The following SIPA1L2 variants were observed in gnomAD, a reference collection of about 807,000 sequenced individuals.
The protein encoded by SIPA1L2 is signal induced proliferation associated 1 like 2.
A neutral mutation model predicts 163.9 loss-of-function variants in SIPA1L2; 56 were observed. The observed-to-expected ratio is 0.34, with a 90% CI of 0.28 to 0.43. SIPA1L2 has a LOEUF of 0.43. Among genes scored for constraint, SIPA1L2 ranks in the 20% least tolerant of loss-of-function variants. The pLI is 1.00. For missense variants in SIPA1L2, 1,974 were observed against 2,193.5 expected, an observed-to-expected ratio of 0.90 and a Z score of 2.00; for synonymous variants, 877 against 865.7, an observed-to-expected ratio of 1.01 and a Z score of -0.23.
rs1194333091 is a variant in SIPA1L2 at position 232,586,767 on chromosome 1, ACTGCTGGGAAAACAGGAG to A, written c.-318-12563_-318-12546del. Reference sequence around the variant, plus strand: ...CATCACTACCTAGTTACAATGCGAAACTGCTGGGAAAACAGGAGTGAAACAGGAGTCTTTGTCACAAAC... The same window carrying A: ...CATCACTACCTAGTTACAATGCGAAATGAAACAGGAGTCTTTGTCACAAAC... On this transcript the variant is annotated intron_variant, in intron 1 of 22. Transcript: ENST00000674635. Among the ~76,000 whole-genome samples the A allele has an allele frequency of 3.3e-5, 5 of 152,338 alleles. No homozygotes were observed. In the East Asian group the frequency reaches 9.6e-4, roughly 29 times the overall value.
intron 1 of SIPA1L2, among the ~76,000 whole-genome samples, 62 bp from the exon 2 acceptor site, chr1:232,574,284 C>T (rs1659959725): frequency 6.6e-6 from 1 of 152,212 alleles, no homozygotes; most frequent in Non-Finnish European, 1.5e-5. Flanking sequence ...GCAGTTTCAA[C>T]ATGTGGTCTG....
At chr1:232,579,857 C>G (rs1660281756) in intron 1 of SIPA1L2, among the ~76,000 whole-genome samples, 2 of 152,140 alleles carry the variant, frequency 1.3e-5, no homozygotes. Context: ...ATGGGTGAAG[C>G]TTTTTCTGAG....
chr1:232,428,406 C>G lies in SIPA1L2; in HGVS notation c.4410+5G>C. 7.4e-7 allele frequency: 1 copy of G among 1,350,622 alleles called. No homozygotes were observed. The highest frequency in any genetic ancestry group is 1.6e-5 in the African/African-American group (1 of 63,356). The allele number at this position is 1,350,622 out of a possible 1,614,324, so 83.7% of individuals were successfully genotyped here. On this transcript the variant is annotated splice_donor_5th_base_variant and intron_variant, in intron 17 of 22. Transcript: ENST00000674635. ...GGTAACTTCAAAGCTCCCTAAGTCA[C>G]TAACCTTTCTTCGCCCCTCCTCCAC...
At position 232,460,880 on chromosome 1, in the gene SIPA1L2, G is replaced by A. The variant is rs752220101; in HGVS notation, c.3095+7C>T. On this transcript the variant is annotated splice_region_variant and intron_variant, in intron 10 of 22. Transcript: ENST00000674635. ...AGTGAGCATTACTTGGGCCTCCCAC[G>A]CCTTACCTTCGGGGCGAGCCGTCAT... 11 of 1,610,518 alleles carry A rather than the reference G, an allele frequency of 6.8e-6. No homozygotes were observed. In the Admixed American group the frequency reaches 1.2e-4, roughly 17 times the overall value.
At chr1:232,439,708 T>A (rs978453043) in intron 14 of SIPA1L2, among the ~76,000 whole-genome samples, 2 of 152,224 alleles carry the variant, frequency 1.3e-5, no homozygotes, top group African/African-American at 4.8e-5. Flanking sequence ...TTTATCTAAG[T>A]TAAATGGGTA....
chr1:232,492,046 G>A (rs1231962097), intron 4 of SIPA1L2, among the ~76,000 whole-genome samples: 1 of 152,136 alleles, frequency 6.6e-6, no homozygotes, highest in African/African-American at 2.4e-5. Context: ...TGTGGCTAGT[G>A]ACTACTGAAC....
At chr1:232,541,247 T>TTAACATAACATAACA (rs200351522) in intron 2 of SIPA1L2, among the ~76,000 whole-genome samples, 6,416 of 144,600 alleles carry the variant, frequency 0.044, 183 homozygotes, top group South Asian at 0.053. Context: ...TAACATAACA[T>TTAACATAACATAACA]TAACATAACA....
chr1:232,542,275 G>T (rs1657731273), intron 2 of SIPA1L2, among the ~76,000 whole-genome samples: 1 of 152,198 alleles, frequency 6.6e-6, no homozygotes, highest in Admixed American at 6.5e-5. Flanking sequence ...TCAACATAGA[G>T]ATACTGAGGT....
At chr1:232,575,513 C>T (rs150058946) in intron 1 of SIPA1L2, among the ~76,000 whole-genome samples, 8 of 152,100 alleles carry the variant, frequency 5.3e-5, no homozygotes, top group Non-Finnish European at 1.2e-4. Context: ...GATTTTGTGC[C>T]GTGGTTAGGA....
intron 22 of SIPA1L2, among the ~76,000 whole-genome samples, chr1:232,399,917 C>T (rs1023593379): frequency 6.6e-6 from 1 of 152,130 alleles, no homozygotes; most frequent in Admixed American, 6.6e-5. Context: ...TTGTAATAAT[C>T]GGTATTTCTG....
At chr1:232,617,891 G>A (rs1367325656) in intron 1 of SIPA1L2, among the ~76,000 whole-genome samples, 9 of 151,948 alleles carry the variant, frequency 5.9e-5, no homozygotes, top group South Asian at 4.1e-4. Context: ...TATACATGCC[G>A]AAGTGTTTAG....
chr1:232,523,138 T>C (rs954352372), intron 2 of SIPA1L2, among the ~76,000 whole-genome samples: 1 of 152,242 alleles, frequency 6.6e-6, no homozygotes, highest in African/African-American at 2.4e-5. Flanking sequence ...TTAAACTTCC[T>C]GTATGTCAAT....
At chr1:232,469,878 C>T (rs1032137751) in intron 8 of SIPA1L2, among the ~76,000 whole-genome samples, 9 of 149,046 alleles carry the variant, frequency 6.0e-5, no homozygotes, top group Non-Finnish European at 8.9e-5. Context: ...AACCGGAAAA[C>T]CTAAAAGAAA....
intron 3 of SIPA1L2, among the ~76,000 whole-genome samples, chr1:232,510,396 A>C (rs1666928392): frequency 6.6e-6 from 1 of 152,152 alleles, no homozygotes; most frequent in Non-Finnish European, 1.5e-5. Flanking sequence ...TGACTCGTTT[A>C]TAAATCCACT....
rs56213602 is a variant in SIPA1L2 at position 232,530,350 on chromosome 1, G to A, written c.-269-14742C>T. Among the ~76,000 whole-genome samples the A allele has an allele frequency of 6.3e-3, 956 of 152,160 alleles. 11 individuals are homozygous for A. The highest frequency in any genetic ancestry group is 0.022 in the African/African-American group (910 of 41,516). On this transcript the variant is annotated intron_variant, in intron 2 of 22. Transcript: ENST00000674635. ...AGGATGGTCTCAATCTCCTGACCTC[G>A]TGATCCACCCGCCTCGGCCTCCCAA...
At chr1:232,480,189 GTGTT>G (rs72162008) in intron 6 of SIPA1L2, among the ~76,000 whole-genome samples, 34,660 of 144,940 alleles carry the variant, frequency 0.24, 4,179 homozygotes, top group Admixed American at 0.34. Context: ...GTGTGTGTGT[GTGTT>G]TTTACAGTTA....
intron 1 of SIPA1L2, among the ~76,000 whole-genome samples, chr1:232,600,948 C>T (rs1277698107): frequency 6.6e-6 from 1 of 152,176 alleles, no homozygotes; most frequent in Non-Finnish European, 1.5e-5. Context: ...TGTGTCACGA[C>T]AAAAATACTT....
chr1:232,400,022 G>C (rs1660240796), intron 22 of SIPA1L2, among the ~76,000 whole-genome samples: 1 of 152,096 alleles, frequency 6.6e-6, no homozygotes, highest in South Asian at 2.1e-4. Context: ...CCCACCCTTG[G>C]CATATCTGGT....
intron 1 of SIPA1L2, among the ~76,000 whole-genome samples, chr1:232,618,257 T>C (rs1157359352): frequency 1.3e-5 from 2 of 152,162 alleles, no homozygotes; most frequent in African/African-American, 4.8e-5. Context: ...GAAGGGAGCA[T>C]CAGCAGCAAA....
Sources: gnomAD v4.1 joint callset for allele counts (sites outside exome capture counted in the v4.1 genomes callset) on GRCh38, gnomAD v4.1.1 for gene constraint, MANE v1.5 for transcripts, NCBI Gene and HGNC (gene_info 2026-07-23, HGNC 2026-07-21) for gene names.